The following ARFIP2 variants were observed in gnomAD, a reference collection of about 807,000 sequenced individuals.
ARFIP2 encodes arfaptin-2.
In ARFIP2, 14 loss-of-function variants were observed where a neutral mutation model predicts 39.2. The observed-to-expected ratio is 0.36, with a 90% CI of 0.24 to 0.56. ARFIP2 has a LOEUF of 0.56. Ranked by LOEUF, ARFIP2 falls within the 20% of genes least tolerant of loss-of-function variation. The pLI, the probability that ARFIP2 is intolerant of heterozygous loss-of-function variation, is 0.85. For missense variants in ARFIP2, 305 were observed against 422.5 expected (o/e 0.72, Z 2.44); for synonymous variants, 167 against 172.4 (o/e 0.97, Z 0.24).
rs1259831194 is a variant in ARFIP2, at chr11:6,479,120, G to A, written c.315+20C>T. 6.2e-7 allele frequency: 1 copy of A among 1,611,344 alleles called. No homozygotes were observed. The highest frequency in any genetic ancestry group is 1.1e-5 in the South Asian group (1 of 91,006). On this transcript the variant is annotated intron_variant, in intron 4 of 7. Coordinates refer to ENST00000396777, the MANE Select transcript of ARFIP2 (RefSeq NM_001376558.2). ...TACCCATAAGGAGTTTTGGGGAAGG[G>A]AGAGGTGCTTAAATCCTACCTTATA... is the stretch of plus-strand genomic sequence containing the variant.
chr11:6,480,617 A>G, intron 1 of ARFIP2, 154 bp from the exon 2 acceptor site: 3 of 517,514 alleles, frequency 5.8e-6, no homozygotes, highest in Non-Finnish European at 1.0e-5. Flanking sequence ...CTCCCCTCCA[A>G]AACGCACATT....
Position 6,478,860 on chromosome 11 carries a change from TGC to T in ARFIP2, c.413_414del (p.Arg138GlnfsTer3). ...CCCAGCTGCAGGACACTCTCATACT[TGC>T]GCTTCGTCTCACGCAGCAACTCAAT... ...LQIELLRETKRKYESVLQLGR... is the reference protein window; with the variant it reads ...LQIELLRETKXKYESVLQLGR... On this transcript the variant is annotated frameshift_variant, in exon 5 of 8. Transcript: ENST00000396777. LOFTEE classifies it high-confidence loss of function. The surrounding 1 kb of genome is among the most constrained non-coding windows in gnomAD (Gnocchi z 4.8). 6.2e-7 allele frequency: 1 copy of T among 1,614,192 alleles called. No homozygotes were observed. Among genetic ancestry groups the T allele is most frequent in the South Asian group, 1.1e-5 (1 of 91,078 alleles).
chr11:6,480,119 C>A, intron 2 of ARFIP2, 51 bp from the exon 3 acceptor site: 1 of 1,533,858 alleles, frequency 6.5e-7, no homozygotes. Context: ...GCTGCAGAAG[C>A]ATTTTGGAGG....
intron 1 of ARFIP2, 75 bp from the exon 2 acceptor site, chr11:6,480,538 T>G: frequency 1.3e-6 from 1 of 748,384 alleles, no homozygotes; most frequent in Non-Finnish European, 2.1e-6. Context: ...GTCATTTCTT[T>G]AAAGGCTGTC....
chr11:6,480,517 AG>A, intron 1 of ARFIP2, 54 bp from the exon 2 acceptor site: 1 of 919,696 alleles, frequency 1.1e-6, no homozygotes, highest in Non-Finnish European at 1.6e-6. Context: ...TAGAAGAAGG[AG>A]GCCTCCTCTG....
At position 6,480,356 on chromosome 11, in the gene ARFIP2, G is replaced by A. The variant is rs1851597542; in HGVS notation, c.66C>T (p.Ala22=). Residue 22 remains alanine, a synonymous_variant, in exon 2 of 8, where the codon GCC becomes GCT. Coordinates refer to ENST00000396777, the MANE Select transcript of ARFIP2 (RefSeq NM_001376558.2). ...MEIPIHGNGE[A]RQLPEDDGLE... is the part of the protein sequence containing the mutation. ...GCCCATCATCTTCAGGAAGCTGCCTGGCTTCGCCGTTCCCGTGGATAGGGA... is the reference window on the plus strand; with the variant it reads ...GCCCATCATCTTCAGGAAGCTGCCTAGCTTCGCCGTTCCCGTGGATAGGGA... 6.2e-7 allele frequency: 1 copy of A among 1,613,564 alleles called. No individual in the cohort carries two copies. The highest frequency in any genetic ancestry group is 1.3e-5 in the African/African-American group (1 of 74,880).
In ARFIP2 at chr11:6,478,286, A is replaced by G. The variant is rs534124674; in HGVS notation, c.538-88T>C. On this transcript the variant is annotated intron_variant, in intron 5 of 7. Coordinates refer to ENST00000396777, the MANE Select transcript of ARFIP2 (RefSeq NM_001376558.2). This position sits in a 1 kb window ranked among gnomAD's most constrained non-coding sequence, Gnocchi z 4.8. ...CCCTTCATTCCCCTCCTCCCCGGGG[A>G]GGACACAGCCAGCAAAACTGGAACA... is the stretch of plus-strand genomic sequence containing the variant. The G allele has an allele frequency of 6.6e-7, 1 of 1,507,036 alleles. No individual in the cohort carries two copies. The allele number at this position is 1,507,036 out of a possible 1,614,324, so 93.4% of individuals were successfully genotyped here. A position where few individuals can be genotyped will look rare whatever the true frequency, so the allele number is the denominator to read the frequency against.
intron 4 of ARFIP2, 79 bp from the exon 5 acceptor site, chr11:6,479,038 G>C: frequency 6.3e-7 from 1 of 1,579,586 alleles, no homozygotes; most frequent in Non-Finnish European, 8.7e-7. Flanking sequence ...GCACCCCCCA[G>C]GCTCCTACTC....
In ARFIP2 at chr11:6,476,946, C is replaced by T. The variant is rs1005403483; in HGVS notation, c.*167G>A. 40 of 744,290 alleles carry T rather than the reference C, an allele frequency of 5.4e-5. No homozygotes were observed. Among genetic ancestry groups the T allele is most frequent in the Non-Finnish European group, 7.9e-5 (38 of 479,272 alleles). 46.1% of individuals were successfully genotyped at this position (744,290 alleles called of 1,614,324 possible). Reference sequence around the variant, plus strand: ...GCAGCAACTTCTGGGCCTCCAGGCCCTCTTCCCACCATAGCAATGTGGGCA... The same window carrying T: ...GCAGCAACTTCTGGGCCTCCAGGCCTTCTTCCCACCATAGCAATGTGGGCA... On this transcript the variant is annotated 3_prime_UTR_variant, in exon 8 of 8. Coordinates refer to ENST00000396777, the MANE Select transcript of ARFIP2 (RefSeq NM_001376558.2).
intron 3 of ARFIP2, 142 bp from the exon 4 acceptor site, chr11:6,479,400 G>A (rs770647308): frequency 1.3e-6 from 2 of 1,564,922 alleles, no homozygotes; most frequent in East Asian, 2.2e-5. Context: ...CTGCTTACTA[G>A]GAGGAACTCG....
chr11:6,480,162 A>C, intron 2 of ARFIP2, 94 bp from the exon 3 acceptor site: 1 of 1,315,810 alleles, frequency 7.6e-7, no homozygotes. Flanking sequence ...CATCATAAAG[A>C]TAGTACACAA....
Position 6,476,936 on chromosome 11 carries a change from C to G in ARFIP2, c.*177G>C, listed in dbSNP as rs1851134762. ...GATAGACAGGGCAGCAACTTCTGGG[C>G]CTCCAGGCCCTCTTCCCACCATAGC... On this transcript the variant is annotated 3_prime_UTR_variant, in exon 8 of 8. Transcript: ENST00000396777. 2 of 663,066 alleles carry G rather than the reference C, an allele frequency of 3.0e-6. No homozygotes were observed. Among genetic ancestry groups the G allele is most frequent in the Admixed American group, 3.2e-5 (1 of 31,152 alleles). The allele number at this position is 663,066 out of a possible 1,614,324, so 41.1% of individuals were successfully genotyped here. A position where few individuals can be genotyped will look rare whatever the true frequency, so the allele number is the denominator to read the frequency against.
rs753501553 is a variant in ARFIP2, at chr11:6,478,874, C to T, written c.401G>A (p.Arg134His). 7.4e-6 allele frequency: 12 copies of T among 1,614,092 alleles called. No individual in the cohort carries two copies. Among genetic ancestry groups the T allele is most frequent in the South Asian group, 6.6e-5 (6 of 91,086 alleles). Residue 134 changes from arginine to histidine, a missense_variant, in exon 5 of 8, where the codon CGT becomes CAT. Transcript: ENST00000396777. The surrounding 1 kb of genome is among the most constrained non-coding windows in gnomAD (Gnocchi z 4.8). ...LELELQIELL[R>H]ETKRKYESVL... ...ACTCTCATACTTGCGCTTCGTCTCA[C>T]GCAGCAACTCAATCTGCAGCTCTAG... is the stretch of plus-strand genomic sequence containing the variant.
chr11:6,479,538 G>A, intron 3 of ARFIP2: 1 of 603,564 alleles, frequency 1.7e-6, no homozygotes, highest in Non-Finnish European at 2.9e-6. Context: ...GAGTTTGGGG[G>A]CAGCAGGAGT....
In ARFIP2 at chr11:6,480,315, A is replaced by G. The variant is rs776597539; in HGVS notation, c.99+8T>C. 2.0e-5 allele frequency: 33 copies of G among 1,611,376 alleles called. No individual in the cohort carries two copies. Among genetic ancestry groups the G allele is most frequent in the Admixed American group, 1.3e-4 (8 of 59,814 alleles). On this transcript the variant is annotated splice_region_variant and intron_variant, in intron 2 of 7. Coordinates refer to ENST00000396777, the MANE Select transcript of ARFIP2 (RefSeq NM_001376558.2). ...ATTGAAACAATTAGAAGAATCAAAC[A>G]GAAGCACCTGCTCCAGCCCATCATC...
At chr11:6,479,670 A>C in intron 3 of ARFIP2, 1 of 533,704 alleles carries the variant, frequency 1.9e-6, no homozygotes, top group Non-Finnish European at 3.3e-6. Flanking sequence ...GAAGCTTCAC[A>C]AAGTTCCAAC....
chr11:6,479,530 G>GT, intron 3 of ARFIP2: 1 of 610,336 alleles, frequency 1.6e-6, no homozygotes, highest in African/African-American at 1.8e-5. Flanking sequence ...AATACACTGA[G>GT]TTTGGGGGCA....
At position 6,481,233 on chromosome 11, in the gene ARFIP2, C is replaced by T; in HGVS notation, c.-45G>A. On this transcript the variant is annotated splice_region_variant and 5_prime_UTR_variant, in exon 1 of 8. Coordinates refer to ENST00000396777, the MANE Select transcript of ARFIP2 (RefSeq NM_001376558.2). ...TCGCCCAAGCATGTTCCTCTCACCT[C>T]GGGCCGGGCCGCTCTTCCCCTCAGG... 1.7e-6 allele frequency: 1 copy of T among 585,788 alleles called. No homozygotes were observed. Among genetic ancestry groups the T allele is most frequent in the Non-Finnish European group, 3.0e-6 (1 of 329,732 alleles). 36.3% of individuals were successfully genotyped at this position (585,788 alleles called of 1,614,324 possible).
chr11:6,481,133 T>G, intron 1 of ARFIP2, 98 bp downstream of exon 1: 2 of 359,300 alleles, frequency 5.6e-6, no homozygotes, highest in Non-Finnish European at 5.2e-6. Flanking sequence ...CACCTGGACA[T>G]CAGGTGTGTC....
Sources: allele counts gnomAD v4.1 joint callset, GRCh38; gene constraint gnomAD v4.1.1; non-coding constraint Gnocchi (gnomAD v3.1); transcripts MANE v1.5; gene names NCBI Gene and HGNC (gene_info 2026-07-23, HGNC 2026-07-21).